Variants in MRPL22 observed in about 807,000 individuals in gnomAD.
The protein encoded by MRPL22 is large ribosomal subunit protein uL22m.
In MRPL22, 27 loss-of-function variants were observed where a neutral mutation model predicts 32.4. The ratio of observed to expected loss-of-function variants is 0.83; its 90% CI spans 0.61 to 1.15. The LOEUF is 1.15. Ranked by LOEUF, MRPL22 falls within the 50% of genes most tolerant of loss-of-function variation. The pLI is 0.00. For synonymous variants in MRPL22, 86 were observed against 87.3 expected (o/e 0.99, Z 0.08); for missense variants, 239 against 260.2 (o/e 0.92, Z 0.56).
intron 2 of MRPL22, 43 bp downstream of exon 2, chr5:154,941,308 T>C (rs1302555885): frequency 6.2e-7 from 1 of 1,606,276 alleles, no homozygotes; most frequent in Non-Finnish European, 8.5e-7. Context: ...CCAAGGCATC[T>C]TTAGTATTCT....
intron 2 of MRPL22, among the ~76,000 whole-genome samples, chr5:154,947,398 C>CAACCT (rs1764505901): frequency 6.6e-6 from 1 of 152,044 alleles, no homozygotes; most frequent in Non-Finnish European, 1.5e-5. Flanking sequence ...ATGTGGATGG[C>CAACCT]AAAGGTATTG....
At position 154,944,654 on chromosome 5, in the gene MRPL22, A is replaced by T. The variant is rs889963704; in HGVS notation, c.77+3389A>T. Among the ~76,000 whole-genome samples, 7 of 152,210 alleles carry T rather than the reference A, an allele frequency of 4.6e-5. No homozygotes were observed. The East Asian group carries it at 1.3e-3, about 29-fold the overall frequency. ...AATATAGTAAGGGGGGCAAATAAGCAAAATAAGTAAAATATAGAGTATATT... is the reference window on the plus strand; with the variant it reads ...AATATAGTAAGGGGGGCAAATAAGCTAAATAAGTAAAATATAGAGTATATT... On this transcript the variant is annotated intron_variant, in intron 2 of 6. Coordinates refer to ENST00000523037, the MANE Select transcript of MRPL22 (RefSeq NM_014180.4).
chr5:154,964,007 C>A lies in MRPL22; in HGVS notation c.410-2679C>A, dbSNP rs149908779. Among the ~76,000 whole-genome samples the A allele has an allele frequency of 5.3e-5, 8 of 152,206 alleles. No homozygotes were observed. In the East Asian group the frequency reaches 1.5e-3, roughly 29 times the overall value. ...CAGTGTGAAGGAAGTAGAAGTTTGA[C>A]CTCGAGTAGATAAAATGGGAAGGGT... On this transcript the variant is annotated intron_variant, in intron 6 of 6. Transcript: ENST00000523037.
At chr5:154,963,775 G>A (rs1041648076) in intron 6 of MRPL22, among the ~76,000 whole-genome samples, 1 of 152,184 alleles carries the variant, frequency 6.6e-6, no homozygotes, top group African/African-American at 2.4e-5. Context: ...CAGACAAATG[G>A]TATTGTTGGA....
At chr5:154,949,172 A>G (rs1764528217) in intron 2 of MRPL22, among the ~76,000 whole-genome samples, 1 of 152,132 alleles carries the variant, frequency 6.6e-6, no homozygotes, top group African/African-American at 2.4e-5. Flanking sequence ...AGGAAATGGT[A>G]TTTCAAGACC....
intron 6 of MRPL22, among the ~76,000 whole-genome samples, chr5:154,960,866 G>A (rs909452068): frequency 2.0e-5 from 3 of 152,094 alleles, no homozygotes; most frequent in Non-Finnish European, 4.4e-5. Context: ...TTCAAACAAA[G>A]ATGTTGATGT....
At chr5:154,953,943 C>T (rs566775914) in intron 3 of MRPL22, among the ~76,000 whole-genome samples, 73 of 151,620 alleles carry the variant, frequency 4.8e-4, no homozygotes, top group African/African-American at 1.7e-3. Flanking sequence ...ACCTTGGCCT[C>T]CCAAAGTGTT....
chr5:154,953,991 CT>C (rs1163927758), intron 3 of MRPL22, among the ~76,000 whole-genome samples: 482 of 123,164 alleles, frequency 3.9e-3, no homozygotes, highest in Non-Finnish European at 4.1e-3. Context: ...TGGCCTAAAA[CT>C]TTTTTTTTTT....
rs200452021 is a variant in MRPL22 at position 154,941,284 on chromosome 5, A to G, written c.77+19A>G. ...CCTTGGGGTGAGTCTCTCGCTTCGG[A>G]GTTTCGGAAGGGCCCAAGGCATCTT... On this transcript the variant is annotated intron_variant, in intron 2 of 6. Coordinates refer to ENST00000523037, the MANE Select transcript of MRPL22 (RefSeq NM_014180.4). The G allele has an allele frequency of 2.5e-6, 4 of 1,612,190 alleles. No individual in the cohort carries two copies. The highest frequency in any genetic ancestry group is 1.7e-5 in the Admixed American group (1 of 59,970).
rs182863464 is a variant in MRPL22 at position 154,941,396 on chromosome 5, A to C, written c.77+131A>C. On this transcript the variant is annotated intron_variant, in intron 2 of 6. Transcript: ENST00000523037. ...TTACTGAGGCGAATGAGACAGCCCG[A>C]GTCTCTGCTTTGTCACTCTATTTTT... 151 of 1,111,918 alleles carry C rather than the reference A, an allele frequency of 1.4e-4. No individual in the cohort carries two copies. The East Asian group carries it at 2.7e-3, about 20-fold the overall frequency. 68.9% of individuals were successfully genotyped at this position (1,111,918 alleles called of 1,614,324 possible).
rs574970676 is a variant in MRPL22 at position 154,967,881 on chromosome 5, GT to G, written c.*988del. The G allele has an allele frequency of 4.5e-4, 69 of 152,294 alleles. No individual in the cohort carries two copies. The highest frequency in any genetic ancestry group is 1.6e-3 in the African/African-American group (66 of 41,556). 9.4% of individuals were successfully genotyped at this position (152,294 alleles called of 1,614,324 possible). A position where few individuals can be genotyped will look rare whatever the true frequency, so the allele number is the denominator to read the frequency against. Reference sequence around the variant, plus strand: ...TGGGGGGCTGGTTTCAGAAATCTATGTTTTAAACAAACACTTCCAGGTAATT... The same window carrying G: ...TGGGGGGCTGGTTTCAGAAATCTATGTTTAAACAAACACTTCCAGGTAATT... On this transcript the variant is annotated 3_prime_UTR_variant, in exon 7 of 7. Coordinates refer to ENST00000523037, the MANE Select transcript of MRPL22 (RefSeq NM_014180.4). This position sits in a 1 kb window ranked among gnomAD's most constrained non-coding sequence, Gnocchi z 4.7.
chr5:154,947,448 G>A (rs997687780), intron 2 of MRPL22, among the ~76,000 whole-genome samples: 24 of 152,276 alleles, frequency 1.6e-4, no homozygotes, highest in African/African-American at 5.8e-4. Context: ...CTTGATATTA[G>A]GATAGGAGAT....
At chr5:154,959,318 T>G (rs1764672093) in intron 5 of MRPL22, 1 of 152,078 alleles carries the variant, frequency 6.6e-6, no homozygotes, top group African/African-American at 2.4e-5. Flanking sequence ...CTAAGACTTT[T>G]CAGTAAGATT....
At chr5:154,958,824 C>T (rs1434433831) in intron 5 of MRPL22, among the ~76,000 whole-genome samples, 1 of 151,934 alleles carries the variant, frequency 6.6e-6, no homozygotes, top group African/African-American at 2.4e-5. Context: ...GGATTACAGG[C>T]GAGAGCCACT....
chr5:154,950,610 C>T (rs1056197597), intron 2 of MRPL22, among the ~76,000 whole-genome samples: 3 of 152,134 alleles, frequency 2.0e-5, no homozygotes, highest in Non-Finnish European at 4.4e-5. Flanking sequence ...GACTTATGTG[C>T]GTTTACTTTC....
chr5:154,958,135 T>C (rs911446926), intron 5 of MRPL22, among the ~76,000 whole-genome samples: 23 of 152,102 alleles, frequency 1.5e-4, no homozygotes, highest in Non-Finnish European at 2.6e-4. Flanking sequence ...GCCAGGCTGG[T>C]CTTGAACTCC....
At chr5:154,956,652 A>T in intron 4 of MRPL22, 1 of 474,518 alleles carries the variant, frequency 2.1e-6, no homozygotes, top group Non-Finnish European at 3.7e-6. Flanking sequence ...GGATAGATAG[A>T]TACTAAAAGG....
chr5:154,948,642 A>G (rs1239615993), intron 2 of MRPL22, among the ~76,000 whole-genome samples: 3 of 152,204 alleles, frequency 2.0e-5, no homozygotes, highest in Non-Finnish European at 2.9e-5. Context: ...GGAGGCACAT[A>G]ATGCCTCCTT....
intron 3 of MRPL22, among the ~76,000 whole-genome samples, chr5:154,953,575 C>G (rs887808074): frequency 6.6e-6 from 1 of 151,890 alleles, no homozygotes. Context: ...CTTCACTCCC[C>G]CAACAACCGT....
Sources: gnomAD v4.1 joint callset for allele counts (sites outside exome capture counted in the v4.1 genomes callset) on GRCh38, gnomAD v4.1.1 for gene constraint, Gnocchi (gnomAD v3.1) non-coding constraint, MANE v1.5 for transcripts, NCBI Gene and HGNC (gene_info 2026-07-23, HGNC 2026-07-21) for gene names.